Variants in HHAT observed in about 807,000 individuals in gnomAD.
The protein encoded by HHAT is protein-cysteine N-palmitoyltransferase HHAT.
HHAT carries 47 observed loss-of-function variants against 70.8 expected under a neutral mutation model. The ratio of observed to expected loss-of-function variants is 0.66; its 90% CI spans 0.53 to 0.85. HHAT has a LOEUF of 0.85. Among genes scored for constraint, HHAT ranks in the 40% least tolerant of loss-of-function variants. The pLI, the probability that HHAT is intolerant of heterozygous loss-of-function variation, is 0.00. For synonymous variants in HHAT, 228 were observed against 247.6 expected (o/e 0.92, Z 0.74); for missense variants, 609 against 604.8 (o/e 1.01, Z -0.07).
chr1:210,328,840 G>T (rs12143851), upstream of HHAT: 53,506 of 417,540 alleles, frequency 0.13, 3,891 homozygotes, highest in Non-Finnish European at 0.15. Context: ...GCAGCAGCAC[G>T]GCCTGCTCGC....
chr1:210,540,493 ACACACACATG>A (rs1351737799), intron 9 of HHAT, among the ~76,000 whole-genome samples: 23 of 143,506 alleles, frequency 1.6e-4, no homozygotes, highest in Admixed American at 7.0e-5. Context: ...ACACACACGC[ACACACACATG>A]CACACACACA....
At chr1:210,589,642 C>G (rs1661227372) in intron 10 of HHAT, 1 of 152,240 alleles carries the variant, frequency 6.6e-6, no homozygotes, top group South Asian at 2.1e-4. Context: ...AAGCAGTGCT[C>G]TGTGGCCTTT....
intron 8 of HHAT, among the ~76,000 whole-genome samples, chr1:210,479,192 C>T (rs554415901): frequency 1.1e-3 from 173 of 152,310 alleles, no homozygotes; most frequent in African/African-American, 3.8e-3. Flanking sequence ...CTCATCAATA[C>T]TTCGCTTACA....
intron 9 of HHAT, among the ~76,000 whole-genome samples, chr1:210,568,792 GT>G (rs1385469433): frequency 6.6e-6 from 1 of 152,122 alleles, no homozygotes; most frequent in Non-Finnish European, 1.5e-5. Flanking sequence ...ATTTGATTTA[GT>G]TCTAGGAAGT....
chr1:210,560,742 G>T lies in HHAT; in HGVS notation c.1044-27156G>T, dbSNP rs151327930. ...GAGGATGGATCACTTGAGATCAGGAGTTTGAGGCTACAGTGAGCTATGATC... is the reference window on the plus strand; with the variant it reads ...GAGGATGGATCACTTGAGATCAGGATTTTGAGGCTACAGTGAGCTATGATC... On this transcript the variant is annotated intron_variant, in intron 9 of 11. Coordinates refer to ENST00000261458, the MANE Select transcript of HHAT (RefSeq NM_018194.6). Among the ~76,000 whole-genome samples the T allele has an allele frequency of 2.3e-3, 322 of 139,344 alleles. 1 individual carries two copies. Among genetic ancestry groups the T allele is most frequent in the African/African-American group, 8.2e-3 (311 of 38,118 alleles). The allele number at this position is 139,344 out of a possible 152,430, so 91.4% of individuals were successfully genotyped here.
chr1:210,572,437 C>T (rs1440703896), intron 9 of HHAT, among the ~76,000 whole-genome samples: 2 of 152,146 alleles, frequency 1.3e-5, no homozygotes, highest in African/African-American at 4.8e-5. Context: ...GGCATTTTCT[C>T]CCACTTTTAT....
chr1:210,390,225 T>G (rs1010433488), intron 4 of HHAT, among the ~76,000 whole-genome samples: 2 of 152,152 alleles, frequency 1.3e-5, no homozygotes, highest in African/African-American at 4.8e-5. Context: ...GAGGCTCTTC[T>G]TAGCTAGATA....
At chr1:210,377,406 C>T (rs2090312143) in intron 3 of HHAT, among the ~76,000 whole-genome samples, 2 of 152,162 alleles carry the variant, frequency 1.3e-5, no homozygotes, top group Non-Finnish European at 2.9e-5. Context: ...GTGCCTTCAA[C>T]TTCACCCTGA....
At chr1:210,444,446 G>T (rs1398409389) in intron 7 of HHAT, among the ~76,000 whole-genome samples, 2 of 139,818 alleles carry the variant, frequency 1.4e-5, no homozygotes, top group South Asian at 5.1e-4. Context: ...TGTACCTCTG[G>T]TAGAATTCGG....
chr1:210,542,867 C>T (rs1272948486), intron 9 of HHAT, among the ~76,000 whole-genome samples: 1 of 152,038 alleles, frequency 6.6e-6, no homozygotes, highest in African/African-American at 2.4e-5. Context: ...ATATATTATA[C>T]ATATATGGAT....
intron 11 of HHAT, among the ~76,000 whole-genome samples, chr1:210,658,057 G>A (rs1234149203): frequency 1.3e-5 from 2 of 152,176 alleles, no homozygotes; most frequent in Admixed American, 6.5e-5. Flanking sequence ...TCTCGTCTTT[G>A]TTTATTCATT....
chr1:210,410,763 T>A (rs2092522732), intron 6 of HHAT, among the ~76,000 whole-genome samples: 1 of 151,964 alleles, frequency 6.6e-6, no homozygotes, highest in Non-Finnish European at 1.5e-5. Context: ...TGACCTCAAG[T>A]GATCCGCCCG....
At chr1:210,475,396 C>T (rs1445921969) in intron 8 of HHAT, among the ~76,000 whole-genome samples, 1 of 152,190 alleles carries the variant, frequency 6.6e-6, no homozygotes, top group African/African-American at 2.4e-5. Flanking sequence ...TGCCTAACTA[C>T]ATTTATTGTG....
At chr1:210,360,004 G>C (rs971179005) in intron 2 of HHAT, among the ~76,000 whole-genome samples, 1 of 152,162 alleles carries the variant, frequency 6.6e-6, no homozygotes, top group Admixed American at 6.5e-5. Flanking sequence ...TAAATCTGCT[G>C]TATCTAGGCA....
At chr1:210,557,395 T>C (rs2095582226) in intron 9 of HHAT, among the ~76,000 whole-genome samples, 1 of 152,182 alleles carries the variant, frequency 6.6e-6, no homozygotes, top group Non-Finnish European at 1.5e-5. Context: ...GTTGAAATTT[T>C]GGAATCTTCC....
intron 10 of HHAT, among the ~76,000 whole-genome samples, chr1:210,616,362 T>G (rs1318709611): frequency 3.9e-5 from 6 of 152,196 alleles, no homozygotes; most frequent in Non-Finnish European, 7.3e-5. Context: ...CCCCAGGGCC[T>G]ATTAATTTTT....
intron 7 of HHAT, among the ~76,000 whole-genome samples, chr1:210,449,495 T>C (rs1382312697): frequency 5.9e-5 from 9 of 152,228 alleles, no homozygotes; most frequent in Non-Finnish European, 1.0e-4. Context: ...CATTTCTTCA[T>C]GCTTTGTCTA....
chr1:210,526,367 G>T (rs925400664), intron 9 of HHAT, among the ~76,000 whole-genome samples: 1 of 142,334 alleles, frequency 7.0e-6, no homozygotes. Context: ...AGTGGGTTCT[G>T]TTTTTTTTTT....
At chr1:210,429,934 C>T (rs369508176) in intron 7 of HHAT, among the ~76,000 whole-genome samples, 3 of 151,790 alleles carry the variant, frequency 2.0e-5, no homozygotes, top group East Asian at 1.9e-4. Context: ...ATTATGCTTG[C>T]ATTTGATAGG....
Sources: allele counts gnomAD v4.1 joint callset (sites outside exome capture counted in the v4.1 genomes callset), GRCh38; gene constraint gnomAD v4.1.1; transcripts MANE v1.5; gene names NCBI Gene and HGNC (gene_info 2026-07-23, HGNC 2026-07-21).